The following CADPS variants were observed in gnomAD, a reference collection of about 807,000 sequenced individuals.
CADPS encodes the protein calcium dependent secretion activator.
In CADPS, 57 loss-of-function variants were observed where a neutral mutation model predicts 167.3. The ratio of observed to expected loss-of-function variants is 0.34; its 90% CI spans 0.28 to 0.42. The LOEUF is 0.42. Ranked by LOEUF, CADPS falls within the 20% of genes least tolerant of loss-of-function variation. The pLI is 1.00. For synonymous variants in CADPS, 676 were observed against 635.3 expected, an observed-to-expected ratio of 1.06 and a Z score of -0.96; for missense variants, 1,414 against 1,738.1, an observed-to-expected ratio of 0.81 and a Z score of 3.32.
chr3:62,580,178 A>G (rs2083130072), intron 8 of CADPS, among the ~76,000 whole-genome samples: 1 of 152,192 alleles, frequency 6.6e-6, no homozygotes, highest in Non-Finnish European at 1.5e-5. Context: ...AAAGACTTGG[A>G]ACCAACCCAA....
intron 22 of CADPS, among the ~76,000 whole-genome samples, chr3:62,481,399 C>G (rs2061994124): frequency 6.6e-6 from 1 of 152,174 alleles, no homozygotes; most frequent in Non-Finnish European, 1.5e-5. Flanking sequence ...GAGGTTTCCT[C>G]CACTATTTTT....
chr3:62,541,671 C>A (rs962116915), intron 11 of CADPS, among the ~76,000 whole-genome samples: 16 of 152,160 alleles, frequency 1.1e-4, no homozygotes, highest in African/African-American at 3.9e-4. Context: ...GTTTTATACT[C>A]TCATCTCATT....
intron 8 of CADPS, among the ~76,000 whole-genome samples, chr3:62,577,220 G>A (rs2082463249): frequency 6.6e-6 from 1 of 152,056 alleles, no homozygotes; most frequent in Admixed American, 6.6e-5. Context: ...AAAAAAATGA[G>A]GCAGTCTTCT....
intron 26 of CADPS, among the ~76,000 whole-genome samples, chr3:62,461,059 C>G (rs996613543): frequency 6.6e-6 from 1 of 152,140 alleles, no homozygotes; most frequent in Non-Finnish European, 1.5e-5. Flanking sequence ...TATTCCTCTG[C>G]AGGGGCCCCA....
intron 22 of CADPS, among the ~76,000 whole-genome samples, chr3:62,480,402 C>A (rs1016174962): frequency 6.6e-6 from 1 of 152,130 alleles, no homozygotes; most frequent in Non-Finnish European, 1.5e-5. Flanking sequence ...GATTTGTGTT[C>A]TTTTTTAGAA....
intron 4 of CADPS, among the ~76,000 whole-genome samples, chr3:62,661,740 C>T (rs1267018710): frequency 6.6e-6 from 1 of 152,042 alleles, no homozygotes; most frequent in African/African-American, 2.4e-5. Context: ...GCTATTGTAA[C>T]ATCCAGGTGC....
At chr3:62,416,366 G>T (rs2050064403) in intron 28 of CADPS, among the ~76,000 whole-genome samples, 1 of 152,186 alleles carries the variant, frequency 6.6e-6, no homozygotes, top group Non-Finnish European at 1.5e-5. Context: ...TCACACCAGT[G>T]ACCTCTTATC....
At chr3:62,561,741 C>T (rs999190691) in intron 9 of CADPS, among the ~76,000 whole-genome samples, 1 of 152,176 alleles carries the variant, frequency 6.6e-6, no homozygotes, top group Non-Finnish European at 1.5e-5. Flanking sequence ...CCCTTCTTAT[C>T]ACCTATGGGA....
At position 62,493,817 on chromosome 3, in the gene CADPS, C is replaced by CA. The variant is rs1013812111; in HGVS notation, c.2707-153dup. ...GAGAGGGGAGATGCTGGCCTGTCAG[C>CA]AAAAAAAAGCCTAACTTATTGGACT... On this transcript the variant is annotated intron_variant, in intron 18 of 29. Transcript: ENST00000383710. Among the ~76,000 whole-genome samples, 41 of 151,174 alleles carry CA rather than the reference C, an allele frequency of 2.7e-4. 1 individual carries two copies. The highest frequency in any genetic ancestry group is 5.9e-4 in the Admixed American group (9 of 15,192).
intron 3 of CADPS, among the ~76,000 whole-genome samples, chr3:62,734,450 T>G (rs2078578006): frequency 1.3e-5 from 2 of 152,320 alleles, no homozygotes; most frequent in East Asian, 3.9e-4. Context: ...AAATCAGTAC[T>G]TACCCAGTGC....
chr3:62,831,768 T>G (rs17291841), intron 1 of CADPS, among the ~76,000 whole-genome samples: 17,196 of 152,186 alleles, frequency 0.11, 1,065 homozygotes, highest in Non-Finnish European at 0.13. Context: ...AGCAGTAAAT[T>G]CAGCAAAACT....
intron 1 of CADPS, among the ~76,000 whole-genome samples, chr3:62,853,634 A>AG (rs1214688361): frequency 2.6e-5 from 4 of 151,256 alleles, no homozygotes; most frequent in African/African-American, 9.7e-5. Context: ...AAAAAAAAAA[A>AG]AAAAAGAAAA....
intron 1 of CADPS, chr3:62,779,352 ACT>A (rs2091089238): frequency 4.7e-6 from 2 of 422,250 alleles, no homozygotes. Context: ...TAGCAGCAGC[ACT>A]CTTAATAGCA....
intron 6 of CADPS, among the ~76,000 whole-genome samples, chr3:62,642,494 A>G (rs1201273503): frequency 1.3e-5 from 2 of 152,190 alleles, no homozygotes; most frequent in African/African-American, 4.8e-5. Context: ...GGGTGGAGAA[A>G]AGGAGAAGAA....
At chr3:62,594,184 C>T (rs1171497216) in intron 6 of CADPS, among the ~76,000 whole-genome samples, 1 of 136,714 alleles carries the variant, frequency 7.3e-6, no homozygotes, top group African/African-American at 2.6e-5. Context: ...TTTTTTGAGA[C>T]AGAGTCTCGC....
At chr3:62,865,959 G>A (rs1446177872) in intron 1 of CADPS, among the ~76,000 whole-genome samples, 1 of 152,116 alleles carries the variant, frequency 6.6e-6, no homozygotes, top group Non-Finnish European at 1.5e-5. Context: ...CATTGTGGCT[G>A]ATGGTAAATT....
chr3:62,606,993 T>C (rs942609834), intron 6 of CADPS, among the ~76,000 whole-genome samples: 12 of 152,368 alleles, frequency 7.9e-5, no homozygotes, highest in Non-Finnish European at 1.5e-4. Context: ...TAAATGACTA[T>C]GGCTTTAAGC....
chr3:62,874,721 T>G lies in CADPS; in HGVS notation c.309A>C (p.Glu103Asp). The G allele has an allele frequency of 6.6e-7, 1 of 1,524,364 alleles. No individual in the cohort carries two copies. 94.4% of individuals were successfully genotyped at this position (1,524,364 alleles called of 1,614,324 possible). Residue 103 changes from glutamate (E) to aspartate (D), a missense_variant, in exon 1 of 30, where the codon GAA becomes GAC. By Grantham distance (45) the Glu-to-Asp change is conservative. Transcript: ENST00000383710. This position sits in a 1 kb window ranked among gnomAD's most constrained non-coding sequence, Gnocchi z 7.1. ...CCTCTTTCTGCAGCCGCTCCAACTC[T>G]TCCTTCTCCTTCTCGCTCACCACCG... ...SPSVVSEKEK[E>D]ELERLQKEEE...
chr3:62,776,130 T>C (rs138880298), intron 1 of CADPS, among the ~76,000 whole-genome samples: 153 of 152,278 alleles, frequency 1.0e-3, no homozygotes, highest in African/African-American at 3.4e-3. Context: ...CCAGAACCAC[T>C]GCTGTAGTGA....
Sources: allele counts gnomAD v4.1 joint callset (sites outside exome capture counted in the v4.1 genomes callset), GRCh38; gene constraint gnomAD v4.1.1; non-coding constraint Gnocchi (gnomAD v3.1); transcripts MANE v1.5; gene names NCBI Gene and HGNC (gene_info 2026-07-23, HGNC 2026-07-21).